The following LYPLAL1 variants were observed in gnomAD, a reference collection of about 807,000 sequenced individuals.
The protein encoded by LYPLAL1 is lysophospholipase-like protein 1.
LYPLAL1 carries 23 observed loss-of-function variants against 19.7 expected under a neutral mutation model. The observed-to-expected ratio is 1.17, with a 90% CI of 0.84 to 1.65. LYPLAL1 has a LOEUF of 1.65. Ranked by LOEUF, LYPLAL1 falls within the 40% of genes most tolerant of loss-of-function variation. LYPLAL1 has a pLI of 0.00. For synonymous variants in LYPLAL1, 119 were observed against 96.3 expected, an observed-to-expected ratio of 1.24 and a Z score of -1.38; for missense variants, 355 against 279.4, an observed-to-expected ratio of 1.27 and a Z score of -1.93.
At chr1:219,228,497 G>A in the LYPLAL1 span, among the ~76,000 whole-genome samples, 1 of 150,568 alleles carries the variant, frequency 6.6e-6, no homozygotes, top group South Asian at 2.1e-4. Context: ...CTTATCTCAA[G>A]TAAATATGAT....
chr1:219,201,374 T>C (rs983289983), intron 3 of LYPLAL1, among the ~76,000 whole-genome samples: 44 of 151,936 alleles, frequency 2.9e-4, no homozygotes, highest in Non-Finnish European at 5.3e-4. Flanking sequence ...TTTTTGTTTC[T>C]TTCTACCATA....
At chr1:219,241,905 T>C in the LYPLAL1 span, among the ~76,000 whole-genome samples, 4 of 152,110 alleles carry the variant, frequency 2.6e-5, no homozygotes, top group African/African-American at 9.7e-5. Context: ...CAGCTGGCTT[T>C]TAAAGTGTGA....
At chr1:219,424,472 A>G in the LYPLAL1 span, among the ~76,000 whole-genome samples, 2 of 152,224 alleles carry the variant, frequency 1.3e-5, no homozygotes, top group Non-Finnish European at 2.9e-5. Flanking sequence ...GTTCACAATC[A>G]TAACTGGGTA....
chr1:219,299,435 T>G, the LYPLAL1 span, among the ~76,000 whole-genome samples: 1 of 152,106 alleles, frequency 6.6e-6, no homozygotes, highest in Non-Finnish European at 1.5e-5. Flanking sequence ...CAAAGAGATA[T>G]CTGTGTTTTT....
chr1:219,280,301 G>T, the LYPLAL1 span, among the ~76,000 whole-genome samples: 1 of 151,994 alleles, frequency 6.6e-6, no homozygotes, highest in Non-Finnish European at 1.5e-5. Flanking sequence ...GCCTAAAGAA[G>T]GTATTTTTAA....
the LYPLAL1 span, among the ~76,000 whole-genome samples, chr1:219,372,114 C>T: frequency 2.0e-5 from 3 of 152,240 alleles, no homozygotes; most frequent in Admixed American, 6.5e-5. Context: ...CTTCACCTCA[C>T]ATAGAAAATT....
the LYPLAL1 span, among the ~76,000 whole-genome samples, chr1:219,415,811 C>T: frequency 6.6e-6 from 1 of 152,204 alleles, no homozygotes; most frequent in East Asian, 1.9e-4. Flanking sequence ...CTGCCTCTTC[C>T]TAGATTTTGG....
At chr1:219,315,332 C>T in the LYPLAL1 span, among the ~76,000 whole-genome samples, 1 of 151,830 alleles carries the variant, frequency 6.6e-6, no homozygotes, top group Non-Finnish European at 1.5e-5. Context: ...ACTGATTAGG[C>T]AATTTACAGT....
chr1:219,238,447 G>A, the LYPLAL1 span, among the ~76,000 whole-genome samples: 6 of 150,998 alleles, frequency 4.0e-5, no homozygotes, highest in South Asian at 2.1e-4. Flanking sequence ...CACTGCGCCC[G>A]GCCTAAACTT....
At chr1:219,407,317 A>T in the LYPLAL1 span, among the ~76,000 whole-genome samples, 2 of 152,170 alleles carry the variant, frequency 1.3e-5, no homozygotes, top group Admixed American at 1.3e-4. Context: ...TTCTGTTTGC[A>T]AGGAAAAATC....
At chr1:219,183,801 A>G (rs1440359466) in intron 2 of LYPLAL1, among the ~76,000 whole-genome samples, 5 of 151,964 alleles carry the variant, frequency 3.3e-5, no homozygotes, top group African/African-American at 9.7e-5. Context: ...TTATATAAAT[A>G]TAACACAGTT....
the LYPLAL1 span, among the ~76,000 whole-genome samples, chr1:219,432,384 C>A: frequency 6.7e-6 from 1 of 150,146 alleles, no homozygotes; most frequent in East Asian, 2.0e-4. Context: ...AAAATGAATT[C>A]AGAAGGTAAG....
At chr1:219,222,410 G>A in the LYPLAL1 span, 2 of 152,116 alleles carry the variant, frequency 1.3e-5, no homozygotes, top group Non-Finnish European at 2.9e-5. Flanking sequence ...ATGGGAAATT[G>A]TTTGTCTCAG....
At chr1:219,395,117 T>TATCTTTATGAG in the LYPLAL1 span, among the ~76,000 whole-genome samples, 2 of 152,234 alleles carry the variant, frequency 1.3e-5, no homozygotes, top group Non-Finnish European at 2.9e-5. Context: ...GATAGCCACT[T>TATCTTTATGAG]ATAGTCCTTT....
At chr1:219,265,764 A>G in the LYPLAL1 span, among the ~76,000 whole-genome samples, 3 of 152,174 alleles carry the variant, frequency 2.0e-5, no homozygotes, top group African/African-American at 7.2e-5. Context: ...GGTATAGCCT[A>G]TTGCTCCTAG....
chr1:219,254,098 A>C, the LYPLAL1 span, among the ~76,000 whole-genome samples: 1 of 152,026 alleles, frequency 6.6e-6, no homozygotes, highest in African/African-American at 2.4e-5. Flanking sequence ...TTAAGATCGC[A>C]ACCCCTGCTT....
the LYPLAL1 span, among the ~76,000 whole-genome samples, chr1:219,426,454 G>GTGA: frequency 6.6e-6 from 1 of 152,156 alleles, no homozygotes; most frequent in East Asian, 1.9e-4. Flanking sequence ...TAAAGTACTA[G>GTGA]CTGTTGCCAT....
chr1:219,356,791 C>T, the LYPLAL1 span, among the ~76,000 whole-genome samples: 2 of 152,098 alleles, frequency 1.3e-5, no homozygotes, highest in African/African-American at 4.8e-5. Flanking sequence ...TATTCATGAA[C>T]TTTTTAAAAA....
chr1:219,206,216 AT>A (rs1658556598), intron 3 of LYPLAL1, among the ~76,000 whole-genome samples: 3 of 152,136 alleles, frequency 2.0e-5, no homozygotes, highest in Admixed American at 1.3e-4. Flanking sequence ...CAGGTTTATT[AT>A]TTTTTAACAT....
Sources: allele counts gnomAD v4.1 joint callset (sites outside exome capture counted in the v4.1 genomes callset), GRCh38; gene constraint gnomAD v4.1.1; transcripts MANE v1.5; gene names NCBI Gene and HGNC (gene_info 2026-07-23, HGNC 2026-07-21).